SEMA6C: variants seen among roughly 807,000 people sequenced by gnomAD.
The protein encoded by SEMA6C is semaphorin-6C.
SEMA6C carries 37 observed loss-of-function variants against 72.9 expected under a neutral mutation model. The observed-to-expected ratio is 0.51, with a 90% CI of 0.39 to 0.67. The LOEUF (loss-of-function observed/expected upper bound fraction) is 0.67. Among genes scored for constraint, SEMA6C ranks in the 30% least tolerant of loss-of-function variants. The probability of loss-of-function intolerance (pLI) is 0.00; values close to 1 mark genes in which losing one functional copy is unlikely to be tolerated. For synonymous variants in SEMA6C, 578 were observed against 554.1 expected (o/e 1.04, Z -0.61); for missense variants, 1,189 against 1,263.6 (o/e 0.94, Z 0.89).
Position 151,136,437 on chromosome 1 carries a change from A to G in SEMA6C, c.1106+11T>C. On this transcript the variant is annotated intron_variant, in intron 12 of 18. Coordinates refer to ENST00000368914, the MANE Select transcript of SEMA6C (RefSeq NM_030913.6). ...CTTCTGCCCCCACAAAAACAACTCC[A>G]TCCTGGGTACCTGGGTGAGGGAACT... 7.4e-6 allele frequency: 12 copies of G among 1,611,548 alleles called. No homozygotes were observed. Among genetic ancestry groups the G allele is most frequent in the Non-Finnish European group, 1.0e-5 (12 of 1,179,208 alleles).
rs72708441 is a variant in SEMA6C, at chr1:151,138,356, G to A, written c.507C>T (p.Cys169=). The change falls in exon 8 of 19, where the codon TGC becomes TGT. Residue 169 remains cysteine (C), a synonymous_variant. Coordinates refer to ENST00000368914, the MANE Select transcript of SEMA6C (RefSeq NM_030913.6). The part of the protein sequence containing the change: ...EGEELSGQAR[C]PFDATQSNVA... The stretch of plus-strand genomic sequence containing the variant: ...CGTTGGACTGGGTGGCATCAAAGGG[G>A]CATCGAGCCTGCCCACTCAGTTCCT... 0.069 allele frequency: 111,857 copies of A among 1,613,840 alleles called. 4,422 individuals are homozygous for A. The highest frequency in any genetic ancestry group is 0.081 in the Non-Finnish European group (95,327 of 1,179,798).
At position 151,136,933 on chromosome 1, in the gene SEMA6C, A is replaced by G. The variant is rs1345193311; in HGVS notation, c.898T>C (p.Leu300=). ...TTCACAGGCCCAGTCAAGGCCTGTAAAACATCAAAATAGAAAGTAGAGTCC... is the reference window on the plus strand; with the variant it reads ...TTCACAGGCCCAGTCAAGGCCTGTAGAACATCAAAATAGAAAGTAGAGTCC... ...PGDSTFYFDV[L]QALTGPVNLH... Residue 300 remains leucine (L), a synonymous_variant, in exon 11 of 19, where the codon TTA becomes CTA. Coordinates refer to ENST00000368914, the MANE Select transcript of SEMA6C (RefSeq NM_030913.6). The G allele has an allele frequency of 1.2e-6, 2 of 1,614,178 alleles. No individual in the cohort carries two copies. The highest frequency in any genetic ancestry group is 1.7e-6 in the Non-Finnish European group (2 of 1,180,044).
chr1:151,137,770 C>T lies in SEMA6C; in HGVS notation c.697G>A (p.Gly233Arg), dbSNP rs1322763711. The change falls in exon 10 of 19, where the codon GGA becomes AGA. Residue 233 changes from glycine to arginine, a missense_variant. Physicochemically the swap from Gly to Arg is moderately radical, Grantham distance 125 (BLOSUM62 -2). Transcript: ENST00000368914. ...CGGAAGAAGAAGTAGACATGGTCTC[C>T]ATGCTCCAAGGCCTGGACAAAGTGT... Reference protein sequence around the residue: ...EPHFVQALEHGDHVYFFFREV... With the variant: ...EPHFVQALEHRDHVYFFFREV... The T allele has an allele frequency of 6.2e-7, 1 of 1,613,634 alleles. No homozygotes were observed. The highest frequency in any genetic ancestry group is 8.5e-7 in the Non-Finnish European group (1 of 1,179,756).
At chr1:151,137,963 C>T (rs1238502060) in intron 9 of SEMA6C, 23 bp downstream of exon 9, 36 of 1,609,604 alleles carry the variant, frequency 2.2e-5, no homozygotes, top group Non-Finnish European at 2.9e-5. Context: ...ATAACAGTCT[C>T]CTTTCCCCAG....
At chr1:151,140,221 C>A in intron 3 of SEMA6C, 131 bp from the exon 4 acceptor site, 1 of 702,302 alleles carries the variant, frequency 1.4e-6, no homozygotes, top group Non-Finnish European at 2.6e-6. Flanking sequence ...ATTCTTAATA[C>A]CAATAACACT....
intron 6 of SEMA6C, 73 bp downstream of exon 6, chr1:151,139,352 G>A: frequency 7.8e-7 from 1 of 1,278,960 alleles, no homozygotes; most frequent in Non-Finnish European, 1.1e-6. Context: ...GGGCATAGTA[G>A]AGGACCAGTT....
intron 13 of SEMA6C, 54 bp downstream of exon 13, chr1:151,135,955 AAG>A: frequency 6.2e-7 from 1 of 1,609,282 alleles, no homozygotes; most frequent in South Asian, 1.1e-5. Context: ...GGGTCAAAGA[AAG>A]AGGAGGGTGG....
intron 11 of SEMA6C, 103 bp downstream of exon 11, chr1:151,136,754 C>T (rs763264907): frequency 1.9e-4 from 265 of 1,374,780 alleles, no homozygotes; most frequent in Non-Finnish European, 2.5e-4. Context: ...TGGCTTTGTT[C>T]GGAGGTTCCC....
At chr1:151,134,087 G>T in intron 18 of SEMA6C, 1 of 1,434,244 alleles carries the variant, frequency 7.0e-7, no homozygotes, top group South Asian at 1.4e-5. Context: ...GAGCCAGTGA[G>T]GCTCTTGATC....
In SEMA6C at chr1:151,142,755, G is replaced by A. The variant is rs1343736878; in HGVS notation, c.-54-80C>T. The A allele has an allele frequency of 7.3e-6, 5 of 683,252 alleles. No homozygotes were observed. The South Asian group carries it at 8.0e-5, about 11-fold the overall frequency. 42.3% of individuals were successfully genotyped at this position (683,252 alleles called of 1,614,324 possible). ...AGCAAGCCAGCAGGCTCCTCTCCTG[G>A]TGTATCCCCAGAAGACCCTGTGGGG... On this transcript the variant is annotated intron_variant, in intron 2 of 18. Transcript: ENST00000368914.
chr1:151,138,043 T>A lies in SEMA6C; in HGVS notation c.610A>T (p.Ser204Cys). ...CGGAGTGGGGGCTGGGGCCCAAGGC[T>A]TCTGTAAACTACAGCATCACTGGCC... The part of the protein sequence containing the change: ...FQASDAVVYR[S>C]LGPQPPLRSA... The change falls in exon 9 of 19, where the codon AGC becomes TGC. Residue 204 changes from serine (S) to cysteine (C), a missense_variant. By Grantham distance (112) the Ser-to-Cys change is moderately radical. Coordinates refer to ENST00000368914, the MANE Select transcript of SEMA6C (RefSeq NM_030913.6). 6.2e-7 allele frequency: 1 copy of A among 1,614,192 alleles called. No homozygotes were observed. Among genetic ancestry groups the A allele is most frequent in the Non-Finnish European group, 8.5e-7 (1 of 1,180,020 alleles).
At position 151,132,436 on chromosome 1, in the gene SEMA6C, C is replaced by A; in HGVS notation, c.*48G>T. On this transcript the variant is annotated 3_prime_UTR_variant, in exon 19 of 19. Transcript: ENST00000368914. The stretch of plus-strand genomic sequence containing the variant: ...TCCTGAAGAGCGTCCAGCTCGTGGC[C>A]GAGAGGACTCGGGCGCTCCCCACGC... 1 of 1,529,176 alleles carries A rather than the reference C, an allele frequency of 6.5e-7. No individual in the cohort carries two copies. The highest frequency in any genetic ancestry group is 8.8e-7 in the Non-Finnish European group (1 of 1,135,368). The allele number at this position is 1,529,176 out of a possible 1,614,324, so 94.7% of individuals were successfully genotyped here. A position where few individuals can be genotyped will look rare whatever the true frequency, so the allele number is the denominator to read the frequency against.
At chr1:151,134,182 G>T in intron 18 of SEMA6C, 3 of 781,114 alleles carry the variant, frequency 3.8e-6, no homozygotes, top group East Asian at 5.4e-5. Flanking sequence ...TTTCTTCTGG[G>T]CCTGGGGAAG....
intron 11 of SEMA6C, 99 bp downstream of exon 11, chr1:151,136,758 G>A: frequency 1.4e-6 from 2 of 1,386,238 alleles, no homozygotes; most frequent in Non-Finnish European, 2.0e-6. Flanking sequence ...TTTGTTCGGA[G>A]GTTCCCTTAA....
rs755622230 is a variant in SEMA6C, at chr1:151,137,024, C to T, written c.807G>A (p.Ser269=). The change falls in exon 11 of 19, where the codon TCG becomes TCA. Residue 269 remains serine, a synonymous_variant. Coordinates refer to ENST00000368914, the MANE Select transcript of SEMA6C (RefSeq NM_030913.6). ...ARVCKRDMGG[S]PRALDRHWTS... is the part of the protein sequence containing the mutation. ...TCCAGTGGCGGTCCAAGGCCCGAGGCGAGCCGCCCATGTCACGTTTACATA... is the reference window on the plus strand; with the variant it reads ...TCCAGTGGCGGTCCAAGGCCCGAGGTGAGCCGCCCATGTCACGTTTACATA... 2.9e-5 allele frequency: 47 copies of T among 1,613,870 alleles called. No homozygotes were observed. Among genetic ancestry groups the T allele is most frequent in the South Asian group, 1.4e-4 (13 of 91,074 alleles).
chr1:151,139,092 C>CAAAAAA (rs887064091), intron 6 of SEMA6C, among the ~76,000 whole-genome samples: 7 of 52,978 alleles, frequency 1.3e-4, no homozygotes, highest in African/African-American at 2.1e-4. Flanking sequence ...GACTCCGTCT[C>CAAAAAA]AAAAAAAAAA....
chr1:151,136,958 C>T lies in SEMA6C; in HGVS notation c.873G>A (p.Gly291=). 1 of 1,614,126 alleles carries T rather than the reference C, an allele frequency of 6.2e-7. No homozygotes were observed. The highest frequency in any genetic ancestry group is 8.5e-7 in the Non-Finnish European group (1 of 1,180,016). Residue 291 remains glycine (G), a synonymous_variant, in exon 11 of 19, where the codon GGG becomes GGA. Transcript: ENST00000368914. ...AAACATCAAAATAGAAAGTAGAGTC[C>T]CCAGGGACAGAGCAGTTGAGCCGAA... ...LKLRLNCSVP[G]DSTFYFDVLQ... is the part of the protein sequence containing the mutation.
At chr1:151,144,230 C>G (rs983442194) in intron 2 of SEMA6C, among the ~76,000 whole-genome samples, 155 bp downstream of exon 2, 2 of 152,184 alleles carry the variant, frequency 1.3e-5, no homozygotes, top group South Asian at 2.1e-4. Context: ...TCCCCACCAC[C>G]CCCCTGCCTC....
rs765494648 is a variant in SEMA6C, at chr1:151,135,243, A to G, written c.1500T>C (p.Gly500=). The G allele has an allele frequency of 4.3e-5, 70 of 1,613,992 alleles. No homozygotes were observed. The highest frequency in any genetic ancestry group is 1.9e-4 in the South Asian group (17 of 91,078). ...RIIGLELDTE[G]HRLFVAFSGC... ...CAGAAAAAGCCACAAAAAGCCTGTG[A>G]CCCTCAGTGTCCAGCTCCAGCCCTA... is the stretch of plus-strand genomic sequence containing the variant. The change falls in exon 15 of 19, where the codon GGT becomes GGC. Residue 500 remains glycine, a synonymous_variant. Transcript: ENST00000368914.
Sources: allele counts gnomAD v4.1 joint callset (sites outside exome capture counted in the v4.1 genomes callset), GRCh38; gene constraint gnomAD v4.1.1; transcripts MANE v1.5; gene names NCBI Gene and HGNC (gene_info 2026-07-23, HGNC 2026-07-21).